The following SKAP1 variants were observed in gnomAD, a reference collection of about 807,000 sequenced individuals.
SKAP1 encodes src kinase associated phosphoprotein 1.
SKAP1 carries 44 observed loss-of-function variants against 58.5 expected under a neutral mutation model. The ratio of observed to expected loss-of-function variants is 0.75; its 90% CI spans 0.59 to 0.97. The LOEUF is 0.97. SKAP1 is among the 50% of genes least tolerant of loss of function. The pLI is 0.00. For missense variants in SKAP1, 390 were observed against 435.2 expected (o/e 0.90, Z 0.92); for synonymous variants, 127 against 149.7 (o/e 0.85, Z 1.11).
chr17:48,347,262 C>T (rs1326553474), intron 3 of SKAP1, among the ~76,000 whole-genome samples: 1 of 152,164 alleles, frequency 6.6e-6, no homozygotes, highest in East Asian at 1.9e-4. Context: ...TTAATATTAT[C>T]TCAAATACTA....
At chr17:48,400,608 G>A (rs1266881492) in intron 1 of SKAP1, among the ~76,000 whole-genome samples, 1 of 151,936 alleles carries the variant, frequency 6.6e-6, no homozygotes, top group Non-Finnish European at 1.5e-5. Context: ...AAATTAGCCA[G>A]GCATGGTGGT....
chr17:48,138,370 AT>A (rs34767643), intron 11 of SKAP1, among the ~76,000 whole-genome samples: 1,759 of 130,154 alleles, frequency 0.014, 5 homozygotes, highest in African/African-American at 0.028. Context: ...ACACCCGGCT[AT>A]TTTTTTTTTT....
rs56006389 is a variant in SKAP1, at chr17:48,220,852, CAAAAAAAAAAAAAAA to C, written c.281-31367_281-31353del. Among the ~76,000 whole-genome samples, 106 of 83,636 alleles carry C rather than the reference CAAAAAAAAAAAAAAA, an allele frequency of 1.3e-3. 1 individual carries two copies. The highest frequency in any genetic ancestry group is 3.1e-3 in the Admixed American group (20 of 6,382). The allele number at this position is 83,636 out of a possible 152,430, so 54.9% of individuals were successfully genotyped here. On this transcript the variant is annotated intron_variant, in intron 4 of 12. Transcript: ENST00000336915. ...TGGGTGACAGAGCGAGACTCCATCTCAAAAAAAAAAAAAAAAAAAAAAAAAGAAAAGAAAAAAAAA... is the reference window on the plus strand; with the variant it reads ...TGGGTGACAGAGCGAGACTCCATCTCAAAAAAAAAAGAAAAGAAAAAAAAA...
At chr17:48,363,575 C>T (rs2066963009) in intron 3 of SKAP1, among the ~76,000 whole-genome samples, 1 of 152,176 alleles carries the variant, frequency 6.6e-6, no homozygotes, top group East Asian at 1.9e-4. Context: ...AATCTAGCAA[C>T]AGTCCACTCA....
chr17:48,137,873 A>G (rs965913550), intron 11 of SKAP1, among the ~76,000 whole-genome samples: 1 of 152,142 alleles, frequency 6.6e-6, no homozygotes, highest in African/African-American at 2.4e-5. Context: ...TAGTCACATG[A>G]CCTTAGGTTC....
chr17:48,247,079 T>C (rs551486481), intron 4 of SKAP1, among the ~76,000 whole-genome samples: 3 of 152,294 alleles, frequency 2.0e-5, no homozygotes, highest in East Asian at 3.9e-4. Flanking sequence ...AATAAATAAA[T>C]ACCTCCACAT....
At chr17:48,254,771 T>G (rs1182078712) in intron 4 of SKAP1, among the ~76,000 whole-genome samples, 2 of 151,782 alleles carry the variant, frequency 1.3e-5, no homozygotes, top group African/African-American at 2.4e-5. Context: ...AGGATTCTCT[T>G]ATACTTCTGT....
chr17:48,254,893 TATG>T (rs1196866728), intron 4 of SKAP1, among the ~76,000 whole-genome samples: 5 of 152,148 alleles, frequency 3.3e-5, no homozygotes, highest in African/African-American at 1.2e-4. Flanking sequence ...AAATCTATGA[TATG>T]ATCCCAAGAG....
At position 48,180,129 on chromosome 17, in the gene SKAP1, T is replaced by C; in HGVS notation, c.751A>G (p.Ile251Val). ...PSCGSQCRPT[I>V]LPGSVGIKEP... is the part of the protein sequence containing the mutation. ...TTTATCCCCACACTCCCAGGCAAGA[T>C]AGTGGGTCTGCACTGGGAACCACAA... The change falls in exon 9 of 13, where the codon ATC (isoleucine) becomes GTC (valine). Residue 251 changes from isoleucine (I) to valine (V), a missense_variant. Coordinates refer to ENST00000336915, the MANE Select transcript of SKAP1 (RefSeq NM_003726.4). 6.2e-7 allele frequency: 1 copy of C among 1,613,920 alleles called. No homozygotes were observed. Among genetic ancestry groups the C allele is most frequent in the East Asian group, 2.2e-5 (1 of 44,870 alleles).
intron 1 of SKAP1, among the ~76,000 whole-genome samples, chr17:48,405,389 T>TTTCC (rs1555623928): frequency 5.4e-5 from 8 of 147,732 alleles, no homozygotes; most frequent in African/African-American, 1.7e-4. Flanking sequence ...TTTTTTTCTC[T>TTTCC]TTCCTTTCTT....
chr17:48,329,430 C>A (rs566084794), intron 4 of SKAP1, among the ~76,000 whole-genome samples: 1 of 152,178 alleles, frequency 6.6e-6, no homozygotes, highest in Non-Finnish European at 1.5e-5. Flanking sequence ...CGTGGCTGGG[C>A]GCGGTGGCTC....
chr17:48,273,725 T>C (rs2065664100), intron 4 of SKAP1, among the ~76,000 whole-genome samples: 1 of 152,048 alleles, frequency 6.6e-6, no homozygotes, highest in Non-Finnish European at 1.5e-5. Flanking sequence ...GGCTCTTTTA[T>C]CATTCTTTAG....
intron 1 of SKAP1, among the ~76,000 whole-genome samples, chr17:48,406,415 T>C (rs2067585534): frequency 6.6e-6 from 1 of 151,662 alleles, no homozygotes; most frequent in South Asian, 2.1e-4. Flanking sequence ...TTTTTCTTTT[T>C]TTTTTTGAGA....
chr17:48,433,205 A>G (rs1236796065), upstream of SKAP1, among the ~76,000 whole-genome samples: 6 of 152,148 alleles, frequency 3.9e-5, no homozygotes, highest in South Asian at 1.2e-3. Context: ...TTGAAATCCA[A>G]TTTCGCAGGA....
intron 4 of SKAP1, among the ~76,000 whole-genome samples, chr17:48,260,378 A>T (rs2143926547): frequency 6.6e-6 from 1 of 152,320 alleles, no homozygotes; most frequent in South Asian, 2.1e-4. Flanking sequence ...AAAATTGTGT[A>T]CAAGAGGCTA....
intron 6 of SKAP1, among the ~76,000 whole-genome samples, chr17:48,187,464 T>C (rs1323709667): frequency 1.3e-5 from 2 of 152,374 alleles, no homozygotes; most frequent in Admixed American, 6.5e-5. Context: ...ATTGTTTAAG[T>C]TCTTTAAGTC....
intron 1 of SKAP1, among the ~76,000 whole-genome samples, chr17:48,420,028 C>T (rs2067776331): frequency 6.6e-6 from 1 of 152,144 alleles, no homozygotes; most frequent in Non-Finnish European, 1.5e-5. Context: ...AGACTCCAAA[C>T]CTGAAAATCC....
Position 48,426,942 on chromosome 17 carries a change from C to A in SKAP1, c.46+3133G>T, listed in dbSNP as rs138874395. Among the ~76,000 whole-genome samples, 9 of 152,154 alleles carry A rather than the reference C, an allele frequency of 5.9e-5. 1 individual carries two copies. In the East Asian group the frequency reaches 1.7e-3, roughly 29 times the overall value. Reference sequence around the variant, plus strand: ...GCATAGTAAATGGTCCGTTAGCACTCTGACCTCTCTGAGTTTCTATTTGTC... The same window carrying A: ...GCATAGTAAATGGTCCGTTAGCACTATGACCTCTCTGAGTTTCTATTTGTC... On this transcript the variant is annotated intron_variant, in intron 1 of 12. Transcript: ENST00000336915.
the SKAP1 span, among the ~76,000 whole-genome samples, chr17:48,441,837 A>G: frequency 6.6e-6 from 1 of 152,264 alleles, no homozygotes; most frequent in Non-Finnish European, 1.5e-5. Context: ...CCTTTTTATT[A>G]AAGGACTCAG....
Sources: allele counts gnomAD v4.1 joint callset (sites outside exome capture counted in the v4.1 genomes callset), GRCh38; gene constraint gnomAD v4.1.1; transcripts MANE v1.5; gene names NCBI Gene and HGNC (gene_info 2026-07-23, HGNC 2026-07-21).